Variants in PTPRD observed in about 807,000 individuals in gnomAD.
PTPRD encodes the protein receptor-type tyrosine-protein phosphatase delta.
Under a neutral mutation model 214.5 loss-of-function variants are expected in PTPRD, and 34 were observed. That is an observed-to-expected ratio of 0.16 (90% confidence interval 0.12 to 0.21). The LOEUF (loss-of-function observed/expected upper bound fraction) is 0.21. Ranked by LOEUF, PTPRD falls within the 10% of genes least tolerant of loss-of-function variation. PTPRD has a pLI of 1.00. For synonymous variants in PTPRD, 1,128 were observed against 845.7 expected, an observed-to-expected ratio of 1.33 and a Z score of -5.79; for missense variants, 2,545 against 2,398.7, an observed-to-expected ratio of 1.06 and a Z score of -1.27.
intron 21 of PTPRD, among the ~76,000 whole-genome samples, chr9:8,511,021 T>C (rs2097668727): frequency 6.6e-6 from 1 of 152,076 alleles, no homozygotes; most frequent in South Asian, 2.1e-4. Context: ...TATATATGTA[T>C]TTATACATAT....
At chr9:8,776,738 T>A (rs1419459315) in intron 11 of PTPRD, among the ~76,000 whole-genome samples, 2 of 150,582 alleles carry the variant, frequency 1.3e-5, no homozygotes, top group Non-Finnish European at 3.0e-5. Context: ...GACATTTAAA[T>A]TTTTAGAATA....
intron 5 of PTPRD, among the ~76,000 whole-genome samples, chr9:9,791,527 C>T (rs566891171): frequency 1.3e-5 from 2 of 152,106 alleles, no homozygotes; most frequent in South Asian, 4.1e-4. Context: ...GTTCTATCAC[C>T]CCTGATGATA....
At chr9:9,041,273 G>T (rs780708065) in intron 10 of PTPRD, among the ~76,000 whole-genome samples, 7 of 152,072 alleles carry the variant, frequency 4.6e-5, no homozygotes, top group Non-Finnish European at 1.0e-4. Context: ...AGGTAAACTT[G>T]TGTCATGGGG....
chr9:8,838,180 G>A (rs2097479359), intron 11 of PTPRD, among the ~76,000 whole-genome samples: 1 of 151,720 alleles, frequency 6.6e-6, no homozygotes, highest in Non-Finnish European at 1.5e-5. Flanking sequence ...ATTAAGAAGA[G>A]CAAGCAAACC....
intron 3 of PTPRD, among the ~76,000 whole-genome samples, chr9:10,197,498 T>TC (rs1212742757): frequency 1.3e-5 from 2 of 152,174 alleles, no homozygotes; most frequent in African/African-American, 4.8e-5. Flanking sequence ...ATCATATTTT[T>TC]CCTCTTAGCA....
intron 7 of PTPRD, among the ~76,000 whole-genome samples, chr9:9,657,216 T>TA (rs2096535641): frequency 6.6e-6 from 1 of 151,956 alleles, no homozygotes; most frequent in Non-Finnish European, 1.5e-5. Context: ...AATTTTATAG[T>TA]AAAAAATTGA....
chr9:9,272,871 A>G (rs1262767102), intron 9 of PTPRD, among the ~76,000 whole-genome samples: 1 of 151,258 alleles, frequency 6.6e-6, no homozygotes, highest in Non-Finnish European at 1.5e-5. Context: ...AAGTGCCCTG[A>G]AATATTTAAT....
intron 11 of PTPRD, among the ~76,000 whole-genome samples, chr9:8,983,905 A>C (rs1307935814): frequency 6.6e-6 from 1 of 152,114 alleles, no homozygotes; most frequent in African/African-American, 2.4e-5. Context: ...GTTCAAAGAA[A>C]TTAATTCATA....
intron 37 of PTPRD, among the ~76,000 whole-genome samples, chr9:8,383,837 G>C (rs1175199224): frequency 6.6e-6 from 1 of 152,150 alleles, no homozygotes; most frequent in Non-Finnish European, 1.5e-5. Flanking sequence ...TCTACTATGG[G>C]CAAGGAATGA....
At chr9:10,290,027 C>T (rs761553265) in intron 3 of PTPRD, among the ~76,000 whole-genome samples, 3 of 152,020 alleles carry the variant, frequency 2.0e-5, no homozygotes, top group Non-Finnish European at 4.4e-5. Context: ...AAATGCTTAT[C>T]ATGAATTAAA....
chr9:10,593,782 T>C (rs981314628), intron 2 of PTPRD, among the ~76,000 whole-genome samples: 1 of 151,974 alleles, frequency 6.6e-6, no homozygotes, highest in African/African-American at 2.4e-5. Context: ...AATATGTTTT[T>C]CCATAAAAAA....
At chr9:10,120,983 C>T (rs2098770292) in intron 3 of PTPRD, among the ~76,000 whole-genome samples, 1 of 152,008 alleles carries the variant, frequency 6.6e-6, no homozygotes, top group Non-Finnish European at 1.5e-5. Flanking sequence ...ATTTATTTAT[C>T]TTTGATAAAG....
intron 14 of PTPRD, among the ~76,000 whole-genome samples, chr9:8,615,195 T>G (rs1428823994): frequency 1.3e-5 from 2 of 151,968 alleles, no homozygotes; most frequent in Non-Finnish European, 2.9e-5. Flanking sequence ...GCTATATTAT[T>G]CTCTCCTCAA....
intron 34 of PTPRD, among the ~76,000 whole-genome samples, chr9:8,445,065 C>A (rs1479944051): frequency 6.6e-6 from 1 of 152,114 alleles, no homozygotes. Context: ...TCCTCTACTA[C>A]GTCACCTCTC....
At chr9:9,019,344 GAAAGAAAGAA>G in intron 10 of PTPRD, among the ~76,000 whole-genome samples, 1 of 111,488 alleles carries the variant, frequency 9.0e-6, no homozygotes, top group East Asian at 2.6e-4. Flanking sequence ...AAGAACGAAA[GAAAGAAAGAA>G]AGAAAGAATC....
At chr9:8,640,502 G>T (rs143712754) in intron 12 of PTPRD, among the ~76,000 whole-genome samples, 91 of 143,656 alleles carry the variant, frequency 6.3e-4, no homozygotes, top group East Asian at 4.5e-3. Flanking sequence ...TTAGGACCTG[G>T]AACTATTTTT....
chr9:8,575,445 T>G lies in PTPRD; in HGVS notation c.353-46666A>C, dbSNP rs560481430. ...GGAGTGGCCAATGTACTAATTCATA[T>G]GTGCTGGTGAACTCTTTGCCTGTTG... On this transcript the variant is annotated intron_variant, in intron 14 of 45. Transcript: ENST00000381196. 1.4e-4 allele frequency among the ~76,000 whole-genome samples: 21 copies of G among 152,220 alleles called. No individual in the cohort carries two copies. The South Asian group carries it at 4.4e-3, about 32-fold the overall frequency.
chr9:9,312,639 G>T (rs139183901), intron 9 of PTPRD, among the ~76,000 whole-genome samples: 1 of 152,114 alleles, frequency 6.6e-6, no homozygotes, highest in African/African-American at 2.4e-5. Flanking sequence ...CCTGTGATGG[G>T]ATGTCATTTT....
intron 11 of PTPRD, among the ~76,000 whole-genome samples, chr9:8,747,039 T>C (rs1479496105): frequency 6.6e-6 from 1 of 152,146 alleles, no homozygotes; most frequent in East Asian, 1.9e-4. Context: ...TGGTGCAGGA[T>C]CAAGCCCCAA....
Sources: gnomAD v4.1 joint callset for allele counts (sites outside exome capture counted in the v4.1 genomes callset) on GRCh38, gnomAD v4.1.1 for gene constraint, MANE v1.5 for transcripts, NCBI Gene and HGNC (gene_info 2026-07-23, HGNC 2026-07-21) for gene names.